Variants in APP observed in about 807,000 individuals in gnomAD.
The protein encoded by APP is amyloid beta precursor protein.
In APP, 31 loss-of-function variants were observed where a neutral mutation model predicts 101.4. That is an observed-to-expected ratio of 0.31 (90% CI 0.23 to 0.41). The LOEUF (loss-of-function observed/expected upper bound fraction) is 0.41. APP is among the 10% of genes least tolerant of loss of function. APP has a pLI of 1.00. For synonymous variants in APP, 366 were observed against 364.4 expected (o/e 1.00, Z -0.05); for missense variants, 839 against 1,003.7 (o/e 0.84, Z 2.22).
At chr21:26,048,038 C>T (rs1266327486) in intron 5 of APP, among the ~76,000 whole-genome samples, 1 of 151,884 alleles carries the variant, frequency 6.6e-6, no homozygotes, top group Non-Finnish European at 1.5e-5. Flanking sequence ...AAAGTAAGGC[C>T]AGGCACGGTG....
intron 1 of APP, among the ~76,000 whole-genome samples, chr21:26,139,338 ATC>A (rs1748646013): frequency 6.6e-6 from 1 of 152,172 alleles, no homozygotes; most frequent in South Asian, 2.1e-4. Context: ...CAAAAAAATC[ATC>A]TGTTACCTTG....
intron 8 of APP, among the ~76,000 whole-genome samples, chr21:25,988,376 T>C (rs2146625740): frequency 6.6e-6 from 1 of 152,196 alleles, no homozygotes; most frequent in African/African-American, 2.4e-5. Context: ...CTCTGGCTGC[T>C]ATGGGACAAA....
intron 1 of APP, 62 bp downstream of exon 1, chr21:26,170,502 C>A: frequency 6.6e-7 from 1 of 1,508,820 alleles, no homozygotes; most frequent in African/African-American, 1.4e-5. Context: ...GGGTTAAGGT[C>A]TTGGGGGGTA....
chr21:26,149,679 C>T (rs2063222912), intron 1 of APP, among the ~76,000 whole-genome samples: 1 of 152,164 alleles, frequency 6.6e-6, no homozygotes, highest in Admixed American at 6.5e-5. Context: ...ACTCTAAACG[C>T]TCTTTTAAAT....
intron 5 of APP, among the ~76,000 whole-genome samples, chr21:26,035,898 G>A (rs994419992): frequency 6.6e-6 from 1 of 152,294 alleles, no homozygotes; most frequent in African/African-American, 2.4e-5. Flanking sequence ...ACGATGATGA[G>A]TTCTAGGTTC....
intron 1 of APP, among the ~76,000 whole-genome samples, chr21:26,135,153 CATA>C (rs2062869400): frequency 6.6e-6 from 1 of 152,262 alleles, no homozygotes; most frequent in Non-Finnish European, 1.5e-5. Context: ...ATGCTCTGTG[CATA>C]ATAAGATAGC....
At position 25,998,666 on chromosome 21, in the gene APP, G is replaced by A. The variant is rs564357472; in HGVS notation, c.1034-1250C>T. On this transcript the variant is annotated intron_variant, in intron 7 of 17. Coordinates refer to ENST00000346798, the MANE Select transcript of APP (RefSeq NM_000484.4). ...TGGCTGCCACCCTTGCAACACAGCG[G>A]AGAATTAGGCAGGAGTCTCTCAAAA... Among the ~76,000 whole-genome samples the A allele has an allele frequency of 3.3e-5, 5 of 152,244 alleles. No homozygotes were observed. The East Asian group carries it at 9.6e-4, about 29-fold the overall frequency.
chr21:26,007,536 ATCTG>A (rs1288192178), intron 6 of APP, among the ~76,000 whole-genome samples: 11 of 150,112 alleles, frequency 7.3e-5, no homozygotes, highest in South Asian at 2.1e-4. Flanking sequence ...TAATACATAT[ATCTG>A]TCTGAGCTCA....
At chr21:26,043,578 C>T (rs937797018) in intron 5 of APP, among the ~76,000 whole-genome samples, 2 of 152,160 alleles carry the variant, frequency 1.3e-5, no homozygotes, top group African/African-American at 2.4e-5. Flanking sequence ...CACTATTAAC[C>T]TTAAGTTAAC....
intron 13 of APP, among the ~76,000 whole-genome samples, chr21:25,950,723 A>G (rs2041039374): frequency 6.6e-6 from 1 of 152,086 alleles, no homozygotes; most frequent in African/African-American, 2.4e-5. Flanking sequence ...GAGGGGGCCA[A>G]TGTGAGATAA....
intron 3 of APP, among the ~76,000 whole-genome samples, chr21:26,068,631 T>G (rs2046553719): frequency 1.3e-5 from 2 of 152,120 alleles, no homozygotes; most frequent in African/African-American, 4.8e-5. Flanking sequence ...AGCCTCCCAA[T>G]TTGCTGGGAT....
Position 26,036,561 on chromosome 21 carries a change from C to G in APP, c.662+14439G>C, listed in dbSNP as rs185877578. ...ATGAAGAGAAGTACTATCTTACTTG[C>G]CTGTCAACTAATACTGATGACAGAG... On this transcript the variant is annotated intron_variant, in intron 5 of 17. Coordinates refer to ENST00000346798, the MANE Select transcript of APP (RefSeq NM_000484.4). Among the ~76,000 whole-genome samples, 19 of 152,256 alleles carry G rather than the reference C, an allele frequency of 1.2e-4. No homozygotes were observed. In the East Asian group the frequency reaches 3.3e-3, roughly 26 times the overall value.
At chr21:26,080,089 A>G (rs1478879349) in intron 3 of APP, among the ~76,000 whole-genome samples, 1 of 152,184 alleles carries the variant, frequency 6.6e-6, no homozygotes, top group Non-Finnish European at 1.5e-5. Context: ...TCACCATTGC[A>G]CTTCAGCCTA....
intron 13 of APP, among the ~76,000 whole-genome samples, chr21:25,940,564 A>T (rs756349951): frequency 5.3e-5 from 8 of 152,238 alleles, no homozygotes; most frequent in Non-Finnish European, 7.3e-5. Context: ...TTTAATCTAC[A>T]ACTAATTATC....
At chr21:25,908,359 T>C (rs1316125150) in intron 14 of APP, among the ~76,000 whole-genome samples, 2 of 152,254 alleles carry the variant, frequency 1.3e-5, no homozygotes, top group Non-Finnish European at 2.9e-5. Flanking sequence ...TGGATTTCAC[T>C]GATTGTTCTT....
Position 25,897,676 on chromosome 21 carries a change from G to A in APP, c.1964-3C>T. 1.2e-6 allele frequency: 2 copies of A among 1,605,188 alleles called. No homozygotes were observed. Among genetic ancestry groups the A allele is most frequent in the Non-Finnish European group, 1.7e-6 (2 of 1,172,068 alleles). On this transcript the variant is annotated splice_polypyrimidine_tract_variant and splice_region_variant and intron_variant, in intron 15 of 17. Coordinates refer to ENST00000346798, the MANE Select transcript of APP (RefSeq NM_000484.4). Reference sequence around the variant, plus strand: ...CTTGATATTTGTCAACCCAGAACCTGTATTACATCATAATTAAAGTATGCA... The same window carrying A: ...CTTGATATTTGTCAACCCAGAACCTATATTACATCATAATTAAAGTATGCA...
chr21:26,152,284 C>CAAAAAAAAAAAAAA lies in APP; in HGVS notation c.57+18266_57+18279dup, dbSNP rs1161739630. Among the ~76,000 whole-genome samples, 65 of 36,176 alleles carry CAAAAAAAAAAAAAA rather than the reference C, an allele frequency of 1.8e-3. 1 individual carries two copies. Among genetic ancestry groups the CAAAAAAAAAAAAAA allele is most frequent in the Middle Eastern group, 0.016 (1 of 64 alleles). The allele number at this position is 36,176 out of a possible 152,430, so 23.7% of individuals were successfully genotyped here. The stretch of plus-strand genomic sequence containing the variant: ...TGGGCGACAGAGCAAGACTCCATCT[C>CAAAAAAAAAAAAAA]AAAAAAAAAAAAAAAAAAAAAAATG... On this transcript the variant is annotated intron_variant, in intron 1 of 17. Transcript: ENST00000346798.
chr21:26,125,698 A>G (rs1329048904), intron 1 of APP, among the ~76,000 whole-genome samples: 2 of 152,114 alleles, frequency 1.3e-5, no homozygotes, highest in East Asian at 1.9e-4. Flanking sequence ...AAAAGAAGGA[A>G]AACAATCACT....
rs548831946 is a variant in APP, at chr21:26,071,848, T to A, written c.355+18095A>T. On this transcript the variant is annotated intron_variant, in intron 3 of 17. Transcript: ENST00000346798. ...ATTCTCTAAGCTTCAGGTGACCCTT[T>A]TAATGACTAAATAAAGTGTGTACTC... Among the ~76,000 whole-genome samples the A allele has an allele frequency of 4.6e-5, 7 of 152,322 alleles. 1 individual carries two copies. The South Asian group carries it at 1.5e-3, about 32-fold the overall frequency.
Sources: allele counts gnomAD v4.1 joint callset (sites outside exome capture counted in the v4.1 genomes callset), GRCh38; gene constraint gnomAD v4.1.1; transcripts MANE v1.5; gene names NCBI Gene and HGNC (gene_info 2026-07-23, HGNC 2026-07-21).